AGBL1: variants seen among roughly 807,000 people sequenced by gnomAD.
AGBL1 encodes cytosolic carboxypeptidase 4.
In AGBL1, 130 loss-of-function variants were observed where a neutral mutation model predicts 118.9. That is an observed-to-expected ratio of 1.09 (90% CI 0.95 to 1.26). The LOEUF (loss-of-function observed/expected upper bound fraction) is 1.26. Ranked by LOEUF, AGBL1 falls within the 50% of genes most tolerant of loss-of-function variation. The pLI, the probability that AGBL1 is intolerant of heterozygous loss-of-function variation, is 0.00. For synonymous variants in AGBL1, 555 were observed against 478.9 expected (o/e 1.16, Z -2.08); for missense variants, 1,584 against 1,298.1 (o/e 1.22, Z -3.38).
At chr15:86,197,292 A>AAG (rs2077829436) in intron 5 of AGBL1, among the ~76,000 whole-genome samples, 2 of 152,196 alleles carry the variant, frequency 1.3e-5, no homozygotes, top group Admixed American at 1.3e-4. Context: ...TGAAAAAGGA[A>AAG]AGAGGAGAGA....
chr15:86,795,509 CCTAT>C (rs2078556642), intron 22 of AGBL1, among the ~76,000 whole-genome samples: 1 of 151,788 alleles, frequency 6.6e-6, no homozygotes, highest in African/African-American at 2.4e-5. Flanking sequence ...GTTCAACTCT[CCTAT>C]CTAAGTGACA....
intron 22 of AGBL1, among the ~76,000 whole-genome samples, chr15:86,817,255 G>A (rs183818690): frequency 1.4e-5 from 2 of 143,818 alleles, no homozygotes; most frequent in Non-Finnish European, 3.0e-5. Flanking sequence ...TAGTGCGATT[G>A]TACTCTAGCC....
intron 24 of AGBL1, among the ~76,000 whole-genome samples, chr15:87,007,699 A>C (rs1341713381): frequency 1.3e-5 from 2 of 152,192 alleles, no homozygotes; most frequent in African/African-American, 2.4e-5. Context: ...TGGTGGAAGA[A>C]TCAGCTCAGT....
intron 1 of AGBL1, among the ~76,000 whole-genome samples, chr15:86,133,472 C>G (rs2076845196): frequency 6.6e-6 from 1 of 152,202 alleles, no homozygotes; most frequent in South Asian, 2.1e-4. Context: ...CTGGGTGACT[C>G]TGCACAATAC....
At chr15:86,194,536 T>G (rs1007005184) in intron 5 of AGBL1, among the ~76,000 whole-genome samples, 4 of 152,186 alleles carry the variant, frequency 2.6e-5, no homozygotes, top group African/African-American at 9.7e-5. Flanking sequence ...AGTAGAGCAT[T>G]CTGGAAATTG....
At chr15:86,928,532 T>G (rs974553970) in intron 23 of AGBL1, among the ~76,000 whole-genome samples, 1 of 152,194 alleles carries the variant, frequency 6.6e-6, no homozygotes, top group Non-Finnish European at 1.5e-5. Flanking sequence ...GTTTGCTCTT[T>G]CCACTGCACT....
chr15:86,852,294 T>C (rs2079418699), intron 22 of AGBL1, among the ~76,000 whole-genome samples: 1 of 152,172 alleles, frequency 6.6e-6, no homozygotes. Context: ...CACTCACTAT[T>C]GTGAGAACAG....
At chr15:86,721,739 T>G (rs1596404920) in intron 22 of AGBL1, among the ~76,000 whole-genome samples, 2 of 152,194 alleles carry the variant, frequency 1.3e-5, no homozygotes, top group Non-Finnish European at 2.9e-5. Context: ...GATGACATGA[T>G]TGTATATCTA....
chr15:86,507,432 T>A lies in AGBL1; in HGVS notation c.2556-15378T>A, dbSNP rs61560825. ...GGTGATTTCTATGTGTCACGAATTG[T>A]TTTTTGGGGCTGAGGATACAGTAGT... On this transcript the variant is annotated intron_variant, in intron 18 of 22. Transcript: ENST00000614907. Among the ~76,000 whole-genome samples, 1,076 of 152,226 alleles carry A rather than the reference T, an allele frequency of 7.1e-3. 15 individuals are homozygous for A. The highest frequency in any genetic ancestry group is 0.024 in the African/African-American group (984 of 41,556).
chr15:86,113,212 T>TTTTTCTCTTCTTTTCTTTTC, intron 1 of AGBL1, among the ~76,000 whole-genome samples: 1 of 122,190 alleles, frequency 8.2e-6, no homozygotes, highest in Admixed American at 8.7e-5. Flanking sequence ...TTTCTTTTTC[T>TTTTTCTCTTCTTTTCTTTTC]TTTTCTTTTC....
intron 23 of AGBL1, among the ~76,000 whole-genome samples, chr15:86,936,590 G>C (rs1054645482): frequency 6.6e-6 from 1 of 152,168 alleles, no homozygotes; most frequent in Non-Finnish European, 1.5e-5. Context: ...TGGATAACTG[G>C]CTAGCCATAT....
chr15:86,473,076 A>G (rs973457774), intron 18 of AGBL1, among the ~76,000 whole-genome samples: 5 of 152,378 alleles, frequency 3.3e-5, no homozygotes, highest in Middle Eastern at 6.8e-3. Context: ...ATGAAATGTT[A>G]CTTTAAAATA....
chr15:86,512,914 T>A (rs114911251), intron 18 of AGBL1, among the ~76,000 whole-genome samples: 3,580 of 151,820 alleles, frequency 0.024, 72 homozygotes, highest in Middle Eastern at 0.066. Context: ...TTATTTTTTT[T>A]AAATTATAGA....
chr15:86,158,794 T>C (rs2077227386), intron 4 of AGBL1, 139 bp from the exon 5 acceptor site: 3 of 670,986 alleles, frequency 4.5e-6, no homozygotes, highest in Non-Finnish European at 5.2e-6. Flanking sequence ...TAGAGGAATG[T>C]GCAACCAGGG....
rs1418983262 is a variant in AGBL1, at chr15:86,257,986, T to G, written c.924T>G (p.Asp308Glu). 2 of 1,613,682 alleles carry G rather than the reference T, an allele frequency of 1.2e-6. No individual in the cohort carries two copies. Among genetic ancestry groups the G allele is most frequent in the African/African-American group, 2.7e-5 (2 of 74,928 alleles). ...CAGAGGATTTTGAAGATGATGGCGA[T>G]GATGAAGTGGACAAAGACTCTGATA... ...LPEEDFEDDG[D>E]DEVDKDSDTE... is the part of the protein sequence containing the mutation. Residue 308 changes from aspartate (D) to glutamate (E), a missense_variant, in exon 9 of 23, where the codon GAT (aspartate) becomes GAG (glutamate). Asp to Glu is a conservative substitution (Grantham distance 45). Transcript: ENST00000614907.
Position 86,790,380 on chromosome 15 carries a change from G to GCA in AGBL1, c.3158+115959_3158+115960dup, listed in dbSNP as rs142594712. ...CACACACACACACGCATGCACGCAC[G>GCA]CACACACACACACACAGTCCTGTAT... is the stretch of plus-strand genomic sequence containing the variant. On this transcript the variant is annotated intron_variant, in intron 22 of 22. Transcript: ENST00000614907. Among the ~76,000 whole-genome samples, 1,102 of 147,732 alleles carry GCA rather than the reference G, an allele frequency of 7.5e-3. 18 individuals carry two copies. Among genetic ancestry groups the GCA allele is most frequent in the East Asian group, 0.06 (303 of 5,024 alleles).
intron 17 of AGBL1, among the ~76,000 whole-genome samples, chr15:86,342,257 A>G (rs895375616): frequency 1.3e-5 from 2 of 152,166 alleles, no homozygotes; most frequent in East Asian, 1.9e-4. Context: ...GGTCTTCCCT[A>G]TATAATTTGG....
chr15:86,287,915 A>C (rs938478167), intron 16 of AGBL1, among the ~76,000 whole-genome samples: 1 of 152,200 alleles, frequency 6.6e-6, no homozygotes, highest in Admixed American at 6.6e-5. Context: ...AACAGTTCAC[A>C]ATGCATATTG....
At chr15:86,945,138 G>A (rs902717200) in intron 23 of AGBL1, among the ~76,000 whole-genome samples, 4 of 151,516 alleles carry the variant, frequency 2.6e-5, no homozygotes, top group Non-Finnish European at 5.9e-5. Context: ...CTAGCTACTT[G>A]GGAGGCTGAG....
Sources: gnomAD v4.1 joint callset for allele counts (sites outside exome capture counted in the v4.1 genomes callset) on GRCh38, gnomAD v4.1.1 for gene constraint, MANE v1.5 for transcripts, NCBI Gene and HGNC (gene_info 2026-07-23, HGNC 2026-07-21) for gene names.